TAF8: variants seen among roughly 807,000 people sequenced by gnomAD.
TAF8 encodes transcription initiation factor TFIID subunit 8.
A neutral mutation model predicts 36.5 loss-of-function variants in TAF8; 47 were observed. The ratio of observed to expected loss-of-function variants is 1.29; its 90% CI spans 1.02 to 1.64. TAF8 has a LOEUF of 1.64. TAF8 is among the 40% of genes most tolerant of loss of function. The probability of loss-of-function intolerance (pLI) is 0.00; values close to 1 mark genes in which losing one functional copy is unlikely to be tolerated. For synonymous variants in TAF8, 175 were observed against 159.5 expected (o/e 1.10, Z -0.73); for missense variants, 420 against 407.6 (o/e 1.03, Z -0.26).
chr6:42,054,494 C>A (rs1764906825), intron 2 of TAF8, among the ~76,000 whole-genome samples: 1 of 152,218 alleles, frequency 6.6e-6, no homozygotes, highest in Non-Finnish European at 1.5e-5. Context: ...TCTCCCTCCC[C>A]CTCCATCCCC....
At chr6:42,059,348 A>C (rs1765113731) in intron 5 of TAF8, among the ~76,000 whole-genome samples, 1 of 150,980 alleles carries the variant, frequency 6.6e-6, no homozygotes, top group African/African-American at 2.4e-5. Flanking sequence ...GCACCATTGC[A>C]CTCCAGCCTG....
chr6:42,069,556 G>C (rs952605534), intron 7 of TAF8, among the ~76,000 whole-genome samples: 4 of 152,220 alleles, frequency 2.6e-5, no homozygotes, highest in African/African-American at 9.7e-5. Flanking sequence ...AGCCAAGATA[G>C]GAACAACCAC....
At position 42,077,328 on chromosome 6, in the gene TAF8, G is replaced by GAGCCTTGGGGAA. The variant is rs1196884503; in HGVS notation, c.920+94_920+105dup. On this transcript the variant is annotated intron_variant, in intron 8 of 8. Coordinates refer to ENST00000372977, the MANE Select transcript of TAF8 (RefSeq NM_138572.3). ...TTGGAAGAGTCTCCTCAGTGGGGCG[G>GAGCCTTGGGGAA]AGCCTTGGGGAAAGCCACTCTGGTG... is the stretch of plus-strand genomic sequence containing the variant. 6.6e-6 allele frequency: 10 copies of GAGCCTTGGGGAA among 1,521,068 alleles called. No homozygotes were observed. The Admixed American group carries it at 2.2e-4, about 33-fold the overall frequency. The allele number at this position is 1,521,068 out of a possible 1,614,324, so 94.2% of individuals were successfully genotyped here.
At chr6:42,073,472 G>T (rs1765649904) in intron 7 of TAF8, among the ~76,000 whole-genome samples, 2 of 152,314 alleles carry the variant, frequency 1.3e-5, no homozygotes, top group South Asian at 4.1e-4. Flanking sequence ...GTGCTGTGTG[G>T]GGGAAAAACA....
rs746374163 is a variant in TAF8, at chr6:42,077,210, G to A, written c.891G>A (p.Pro297=). 32 of 1,613,610 alleles carry A rather than the reference G, an allele frequency of 2.0e-5. No individual in the cohort carries two copies. Among genetic ancestry groups the A allele is most frequent in the South Asian group, 1.8e-4 (16 of 91,032 alleles). The stretch of plus-strand genomic sequence containing the variant: ...TCATCGATAACCCTTATCTGCGGCC[G>A]GTGAAGAAGCCCAAGATCCGCAGGA... ...ENIIDNPYLR[P]VKKPKIRRKK... is the part of the protein sequence containing the mutation. The change falls in exon 8 of 9, where the codon CCG becomes CCA. Residue 297 remains proline (P), a synonymous_variant. Coordinates refer to ENST00000372977, the MANE Select transcript of TAF8 (RefSeq NM_138572.3).
At chr6:42,063,530 A>G (rs1005589884) in intron 5 of TAF8, 14 of 152,344 alleles carry the variant, frequency 9.2e-5, no homozygotes, top group African/African-American at 3.1e-4. Flanking sequence ...CAGGAAACCT[A>G]TAACCTTTTC....
chr6:42,076,673 C>T (rs566859080), intron 7 of TAF8, among the ~76,000 whole-genome samples: 1 of 152,138 alleles, frequency 6.6e-6, no homozygotes, highest in South Asian at 2.1e-4. Flanking sequence ...CTAGCTTGGC[C>T]AGGAGATGCG....
chr6:42,077,011 T>C (rs1765769560), intron 7 of TAF8, 89 bp from the exon 8 acceptor site: 1 of 1,457,518 alleles, frequency 6.9e-7, no homozygotes, highest in Non-Finnish European at 9.2e-7. Context: ...ATTTCTCAAT[T>C]AGAGGATGCT....
Position 42,077,184 on chromosome 6 carries a change from A to G in TAF8, c.865A>G (p.Ile289Val), listed in dbSNP as rs546610742. Residue 289 changes from isoleucine to valine, a missense_variant, in exon 8 of 9, where the codon ATC becomes GTC. Physicochemically the swap from Ile to Val is conservative, Grantham distance 29 (BLOSUM62 3). Transcript: ENST00000372977. The stretch of plus-strand genomic sequence containing the variant: ...GGGTAGCCGGAATGGGGAGGAGAAC[A>G]TCATCGATAACCCTTATCTGCGGCC... Reference protein sequence around the residue: ...LSGSRNGEENIIDNPYLRPVK... With the variant: ...LSGSRNGEENVIDNPYLRPVK... 3.9e-5 allele frequency: 63 copies of G among 1,614,214 alleles called. No homozygotes were observed. Among genetic ancestry groups the G allele is most frequent in the Non-Finnish European group, 4.9e-5 (58 of 1,180,030 alleles).
At chr6:42,075,004 C>CA (rs1765695707) in intron 7 of TAF8, among the ~76,000 whole-genome samples, 1 of 152,184 alleles carries the variant, frequency 6.6e-6, no homozygotes, top group Non-Finnish European at 1.5e-5. Flanking sequence ...CTTGACCCTC[C>CA]AGCAGTGTCT....
chr6:42,061,942 A>T (rs1381733536), intron 5 of TAF8, among the ~76,000 whole-genome samples: 1 of 152,164 alleles, frequency 6.6e-6, no homozygotes, highest in Non-Finnish European at 1.5e-5. Context: ...ACTCCAAAAA[A>T]TTTTTTTGTA....
At chr6:42,055,167 A>G (rs1343655234) in intron 2 of TAF8, among the ~76,000 whole-genome samples, 1 of 151,914 alleles carries the variant, frequency 6.6e-6, no homozygotes, top group Non-Finnish European at 1.5e-5. Context: ...CAGGTGATCC[A>G]CTGGCCTTGG....
intron 5 of TAF8, among the ~76,000 whole-genome samples, chr6:42,062,469 C>G (rs1054343644): frequency 6.7e-6 from 1 of 149,924 alleles, no homozygotes; most frequent in Non-Finnish European, 1.5e-5. Context: ...CTTTACAAAC[C>G]TTTTTTACTT....
At chr6:42,067,514 C>CAATT (rs1765407124) in intron 6 of TAF8, among the ~76,000 whole-genome samples, 1 of 152,042 alleles carries the variant, frequency 6.6e-6, no homozygotes, top group South Asian at 2.1e-4. Context: ...CACACCCAGC[C>CAATT]AATTCTAGAG....
chr6:42,087,370 T>TGTTTAATTTAA (rs1486947477), downstream of TAF8: 4 of 150,248 alleles, frequency 2.7e-5, no homozygotes, highest in African/African-American at 9.7e-5. Context: ...CTATGTGCGA[T>TGTTTAATTTAA]GTACTAATTT....
At chr6:42,086,451 T>C (rs571801007), downstream of TAF8, among the ~76,000 whole-genome samples, 7 of 152,340 alleles carry the variant, frequency 4.6e-5, no homozygotes, top group African/African-American at 1.7e-4. Flanking sequence ...AGAATGTGGC[T>C]TTCTCTCCTG....
At chr6:42,057,586 G>A (rs1765049335) in intron 5 of TAF8, 73 bp downstream of exon 5, 1 of 1,583,184 alleles carries the variant, frequency 6.3e-7, no homozygotes, top group African/African-American at 1.3e-5. Flanking sequence ...TCACGTGGCA[G>A]AGTCCAGTCC....
chr6:42,056,230 T>C, intron 4 of TAF8: 1 of 475,852 alleles, frequency 2.1e-6, no homozygotes, highest in Non-Finnish European at 3.8e-6. Flanking sequence ...GAGATATTGC[T>C]GTGTTTCTTG....
At chr6:42,061,423 C>T (rs1019809804) in intron 5 of TAF8, among the ~76,000 whole-genome samples, 2 of 152,104 alleles carry the variant, frequency 1.3e-5, no homozygotes, top group Non-Finnish European at 2.9e-5. Flanking sequence ...AGTTATTAAT[C>T]AGAAACCTGC....
Sources: allele counts gnomAD v4.1 joint callset (sites outside exome capture counted in the v4.1 genomes callset), GRCh38; gene constraint gnomAD v4.1.1; transcripts MANE v1.5; gene names NCBI Gene and HGNC (gene_info 2026-07-23, HGNC 2026-07-21).